The following ESRRG variants were observed in gnomAD, a reference collection of about 807,000 sequenced individuals.
ESRRG encodes estrogen related receptor gamma, also known as estrogen-related receptor gamma.
A neutral mutation model predicts 44.0 loss-of-function variants in ESRRG; 13 were observed. The ratio of observed to expected loss-of-function variants is 0.30; its 90% confidence interval spans 0.19 to 0.47. The LOEUF is 0.47. Among genes scored for constraint, ESRRG ranks in the 20% least tolerant of loss-of-function variants. ESRRG has a pLI of 1.00. For missense variants in ESRRG, 395 were observed against 580.6 expected (o/e 0.68, Z 3.29); for synonymous variants, 215 against 214.6 (o/e 1.00, Z -0.02).
chr1:216,741,396 C>A (rs566103059), intron 2 of ESRRG, among the ~76,000 whole-genome samples: 1 of 151,100 alleles, frequency 6.6e-6, no homozygotes, highest in African/African-American at 2.4e-5. Context: ...GGCTAAAACA[C>A]CAACCTCACA....
At chr1:216,598,098 C>T (rs1478410190) in intron 3 of ESRRG, among the ~76,000 whole-genome samples, 1 of 152,086 alleles carries the variant, frequency 6.6e-6, no homozygotes, top group East Asian at 1.9e-4. Flanking sequence ...ATTAACTTAC[C>T]AAGATCAAGG....
intron 5 of ESRRG, among the ~76,000 whole-genome samples, chr1:216,560,776 C>G (rs74539700): frequency 1.3e-5 from 2 of 152,040 alleles, no homozygotes; most frequent in African/African-American, 4.8e-5. Context: ...AGATTAGAGG[C>G]GACAGCGTTC....
intron 1 of ESRRG, among the ~76,000 whole-genome samples, chr1:216,962,158 A>G (rs2069228533): frequency 1.3e-5 from 2 of 152,200 alleles, no homozygotes; most frequent in Non-Finnish European, 2.9e-5. Flanking sequence ...AACACAAAAG[A>G]ATCAAAAGAA....
At chr1:216,558,340 C>A (rs1430785924) in intron 5 of ESRRG, among the ~76,000 whole-genome samples, 1 of 152,102 alleles carries the variant, frequency 6.6e-6, no homozygotes, top group Non-Finnish European at 1.5e-5. Context: ...TTAGGCTTAA[C>A]CAAAGAGGCT....
intron 3 of ESRRG, among the ~76,000 whole-genome samples, chr1:216,588,358 C>A (rs984843490): frequency 6.6e-6 from 1 of 152,130 alleles, no homozygotes; most frequent in Non-Finnish European, 1.5e-5. Flanking sequence ...GGAGCTACTA[C>A]AACAAACAAC....
At chr1:216,791,965 A>T (rs774933634) in intron 2 of ESRRG, among the ~76,000 whole-genome samples, 13 of 152,152 alleles carry the variant, frequency 8.5e-5, no homozygotes, top group Non-Finnish European at 1.6e-4. Context: ...TCCCATTGCC[A>T]TCAAGTAGAT....
chr1:217,000,080 C>A (rs2076834937), intron 1 of ESRRG, among the ~76,000 whole-genome samples: 1 of 152,142 alleles, frequency 6.6e-6, no homozygotes, highest in Admixed American at 6.6e-5. Flanking sequence ...CTTTGCTTAT[C>A]CCCAAGATTT....
chr1:216,952,497 A>G (rs1578581467), intron 1 of ESRRG, among the ~76,000 whole-genome samples: 1 of 152,228 alleles, frequency 6.6e-6, no homozygotes, highest in Non-Finnish European at 1.5e-5. Flanking sequence ...ACAGAGCACT[A>G]GGTTTGTTAT....
chr1:216,866,856 G>T (rs2096173754), intron 2 of ESRRG, among the ~76,000 whole-genome samples: 2 of 151,742 alleles, frequency 1.3e-5, no homozygotes, highest in African/African-American at 2.4e-5. Flanking sequence ...TTTGATGTGG[G>T]TTTTCAAACT....
chr1:216,780,686 T>C lies in ESRRG; in HGVS notation c.-13-103195A>G, dbSNP rs554180284. Among the ~76,000 whole-genome samples the C allele has an allele frequency of 2.0e-5, 3 of 152,058 alleles. No individual in the cohort carries two copies. The South Asian group carries it at 6.2e-4, about 32-fold the overall frequency. ...TATATTATCTGTATAACAAATCACATAGAGGGAGTGGGTTCCTACAGATGA... is the reference window on the plus strand; with the variant it reads ...TATATTATCTGTATAACAAATCACACAGAGGGAGTGGGTTCCTACAGATGA... On this transcript the variant is annotated intron_variant, in intron 2 of 7. Coordinates refer to the ESRRG transcript ENST00000359162.
At chr1:216,785,583 G>A (rs559645767) in intron 2 of ESRRG, among the ~76,000 whole-genome samples, 195 of 152,022 alleles carry the variant, frequency 1.3e-3, no homozygotes, top group African/African-American at 4.6e-3. Context: ...ACTGAAGAAA[G>A]CAAAAAGAGA....
intron 2 of ESRRG, among the ~76,000 whole-genome samples, chr1:216,779,920 A>G (rs2093863601): frequency 6.6e-6 from 1 of 151,834 alleles, no homozygotes; most frequent in African/African-American, 2.4e-5. Context: ...ATTAAAAATC[A>G]AACAAGATGC....
At chr1:216,546,127 G>A (rs1044319848) in intron 5 of ESRRG, among the ~76,000 whole-genome samples, 1 of 152,010 alleles carries the variant, frequency 6.6e-6, no homozygotes, top group South Asian at 2.1e-4. Context: ...ATTGTCCTGT[G>A]CGAGGTAGGC....
intron 2 of ESRRG, among the ~76,000 whole-genome samples, chr1:216,909,492 ATTTG>A (rs1246538586): frequency 6.6e-6 from 1 of 152,080 alleles, no homozygotes; most frequent in Admixed American, 6.6e-5. Flanking sequence ...TTATTTATTT[ATTTG>A]TTTGTTTATC....
chr1:216,972,697 A>G (rs1317972618), intron 1 of ESRRG, among the ~76,000 whole-genome samples: 1 of 152,172 alleles, frequency 6.6e-6, no homozygotes, highest in Admixed American at 6.6e-5. Flanking sequence ...TCTGCCAATG[A>G]CTGGCTGCAT....
intron 2 of ESRRG, among the ~76,000 whole-genome samples, chr1:216,791,618 C>G (rs1176238118): frequency 6.6e-6 from 1 of 152,124 alleles, no homozygotes; most frequent in East Asian, 1.9e-4. Context: ...CCCTCCCACA[C>G]TCACAATCAC....
intron 1 of ESRRG, among the ~76,000 whole-genome samples, chr1:217,110,479 TA>T: frequency 6.6e-6 from 1 of 152,290 alleles, no homozygotes; most frequent in Non-Finnish European, 1.5e-5. Context: ...GGATAGTTTA[TA>T]AAGAAAAGAC....
chr1:216,550,956 G>A (rs2056139845), intron 5 of ESRRG, among the ~76,000 whole-genome samples: 1 of 152,102 alleles, frequency 6.6e-6, no homozygotes, highest in Admixed American at 6.6e-5. Flanking sequence ...CTGATAATCA[G>A]AACATGGGAA....
intron 5 of ESRRG, among the ~76,000 whole-genome samples, chr1:216,553,441 T>A (rs1243208717): frequency 6.6e-6 from 1 of 152,206 alleles, no homozygotes; most frequent in African/African-American, 2.4e-5. Flanking sequence ...CTTGCTTAAG[T>A]GAAATCCAGT....
Sources: allele counts gnomAD v4.1 joint callset (sites outside exome capture counted in the v4.1 genomes callset), GRCh38; gene constraint gnomAD v4.1.1; transcripts MANE v1.5; gene names NCBI Gene and HGNC (gene_info 2026-07-23, HGNC 2026-07-21).